The following UBE3D variants were observed in gnomAD, a reference collection of about 807,000 sequenced individuals.
UBE3D encodes ubiquitin protein ligase E3D.
In UBE3D, 48 loss-of-function variants were observed where a neutral mutation model predicts 49.6. The observed-to-expected ratio is 0.97, with a 90% CI of 0.77 to 1.23. The LOEUF is 1.23. Among genes scored for constraint, UBE3D ranks in the 50% most tolerant of loss-of-function variants. UBE3D has a pLI of 0.00. For missense variants in UBE3D, 452 were observed against 468.4 expected, an observed-to-expected ratio of 0.96 and a Z score of 0.32; for synonymous variants, 189 against 174.2, an observed-to-expected ratio of 1.08 and a Z score of -0.67.
intron 8 of UBE3D, among the ~76,000 whole-genome samples, chr6:82,995,801 G>T (rs753238448): frequency 2.1e-4 from 32 of 152,210 alleles, no homozygotes; most frequent in African/African-American, 7.5e-4. Flanking sequence ...TGGGCATGGT[G>T]GCTGCCTGTA....
intron 5 of UBE3D, among the ~76,000 whole-genome samples, chr6:83,031,948 A>G (rs1411603362): frequency 6.6e-6 from 1 of 152,170 alleles, no homozygotes; most frequent in Non-Finnish European, 1.5e-5. Flanking sequence ...AGGTTTGGGA[A>G]CCTCCACCAA....
intron 8 of UBE3D, among the ~76,000 whole-genome samples, chr6:82,962,812 A>G (rs958895306): frequency 6.6e-6 from 1 of 152,198 alleles, no homozygotes; most frequent in African/African-American, 2.4e-5. Context: ...ATTTAATTCC[A>G]CCCAAAGAGA....
intron 8 of UBE3D, among the ~76,000 whole-genome samples, chr6:82,978,223 G>A (rs747575320): frequency 5.9e-5 from 9 of 152,144 alleles, no homozygotes; most frequent in Non-Finnish European, 1.3e-4. Context: ...AGGGCTGGAA[G>A]TCATCTTAAT....
intron 8 of UBE3D, among the ~76,000 whole-genome samples, chr6:82,967,320 G>C (rs1777016118): frequency 6.6e-6 from 1 of 152,088 alleles, no homozygotes; most frequent in African/African-American, 2.4e-5. Flanking sequence ...GCATTCATTT[G>C]TGTGTGTCTA....
At chr6:82,940,232 G>C (rs1774910444) in intron 9 of UBE3D, among the ~76,000 whole-genome samples, 1 of 152,168 alleles carries the variant, frequency 6.6e-6, no homozygotes, top group Non-Finnish European at 1.5e-5. Flanking sequence ...TCAGATTAGA[G>C]AACTGTATTC....
chr6:83,044,622 A>T lies in UBE3D; in HGVS notation c.403T>A (p.Trp135Arg), dbSNP rs770806877. 78 of 1,614,020 alleles carry T rather than the reference A, an allele frequency of 4.8e-5. No individual in the cohort carries two copies. The highest frequency in any genetic ancestry group is 6.6e-5 in the Non-Finnish European group (78 of 1,179,982). ...CACCATTCTCCAACTAGAGCTCCCC[A>T]GTTCTCACTCGGCAGTGGGAGCACC... ...LRVLPLPSEN[W>R]GALVGEWCCH... Residue 135 changes from tryptophan to arginine, a missense_variant, in exon 4 of 10, where the codon TGG (tryptophan) becomes AGG (arginine). Physicochemically the swap from Trp to Arg is moderately radical, Grantham distance 101 (BLOSUM62 -3). Transcript: ENST00000369747.
intron 9 of UBE3D, among the ~76,000 whole-genome samples, chr6:82,908,855 C>A (rs1179158088): frequency 6.6e-6 from 1 of 152,152 alleles, no homozygotes; most frequent in African/African-American, 2.4e-5. Flanking sequence ...ATTTATACAG[C>A]CAGGGCACAG....
At chr6:83,061,035 T>G (rs1784137825) in intron 1 of UBE3D, among the ~76,000 whole-genome samples, 1 of 152,156 alleles carries the variant, frequency 6.6e-6, no homozygotes. Flanking sequence ...ACTATCTTAC[T>G]TTAAGTGCTC....
chr6:82,983,879 ACTT>A (rs1778281673), intron 8 of UBE3D, among the ~76,000 whole-genome samples: 1 of 152,170 alleles, frequency 6.6e-6, no homozygotes, highest in African/African-American at 2.4e-5. Flanking sequence ...CTCTTGGAGC[ACTT>A]CTTTGTGTGT....
chr6:83,046,669 T>TGGGGGGGTG (rs1554211608), intron 3 of UBE3D, among the ~76,000 whole-genome samples: 1 of 9,376 alleles, frequency 1.1e-4, no homozygotes, highest in African/African-American at 2.2e-4. Flanking sequence ...TTCTTGCAGT[T>TGGGGGGGTG]GGCGGGGGGG....
chr6:82,992,065 T>G (rs1778923884), intron 8 of UBE3D, among the ~76,000 whole-genome samples: 1 of 152,122 alleles, frequency 6.6e-6, no homozygotes, highest in African/African-American at 2.4e-5. Flanking sequence ...TTTAATAGAT[T>G]CCAGCACAAA....
chr6:82,979,229 T>C (rs1006152463), intron 8 of UBE3D, among the ~76,000 whole-genome samples: 5 of 152,196 alleles, frequency 3.3e-5, no homozygotes, highest in Admixed American at 3.3e-4. Context: ...TAAATCATCA[T>C]ATAGATAATC....
rs552177820 is a variant in UBE3D, at chr6:82,992,072, C to G, written c.1010+26901G>C. ...TCTTTTGTTTTAATAGATTCCAGCA[C>G]AAACATGCACAGAGAATGTATATAA... On this transcript the variant is annotated intron_variant, in intron 8 of 9. Coordinates refer to ENST00000369747, the MANE Select transcript of UBE3D (RefSeq NM_198920.3). Among the ~76,000 whole-genome samples, 4 of 152,140 alleles carry G rather than the reference C, an allele frequency of 2.6e-5. No individual in the cohort carries two copies. In the South Asian group the frequency reaches 8.3e-4, roughly 32 times the overall value.
chr6:82,905,700 C>T (rs921013248), intron 9 of UBE3D, among the ~76,000 whole-genome samples: 4 of 152,102 alleles, frequency 2.6e-5, no homozygotes, highest in Non-Finnish European at 4.4e-5. Context: ...AAACAAGGCC[C>T]GCAAGACACA....
chr6:82,928,910 A>C (rs1213730130), intron 9 of UBE3D, among the ~76,000 whole-genome samples: 3 of 152,206 alleles, frequency 2.0e-5, no homozygotes, highest in Non-Finnish European at 2.9e-5. Flanking sequence ...AACAAAACCT[A>C]GTCCCAACAT....
chr6:82,968,287 CT>C (rs1777094446), intron 8 of UBE3D, among the ~76,000 whole-genome samples: 1 of 151,888 alleles, frequency 6.6e-6, no homozygotes, highest in Admixed American at 6.6e-5. Context: ...CATTCTCCCC[CT>C]TTTAACCTCC....
chr6:82,938,998 G>A (rs576510836), intron 9 of UBE3D, among the ~76,000 whole-genome samples: 6 of 151,804 alleles, frequency 4.0e-5, no homozygotes, highest in South Asian at 2.1e-4. Flanking sequence ...AGTGAGCTAC[G>A]ATCGTGCTAC....
At chr6:83,049,896 T>C (rs1332512588) in intron 3 of UBE3D, 1 of 426,830 alleles carries the variant, frequency 2.3e-6, no homozygotes, top group African/African-American at 2.0e-5. Context: ...TCTGAGACTA[T>C]TCACAACAAA....
At chr6:83,054,676 G>T (rs1449397936) in intron 2 of UBE3D, among the ~76,000 whole-genome samples, 2 of 151,094 alleles carry the variant, frequency 1.3e-5, no homozygotes, top group African/African-American at 4.9e-5. Flanking sequence ...TTTTGAGATG[G>T]AGTCTTGTTC....
Sources: allele counts gnomAD v4.1 joint callset (sites outside exome capture counted in the v4.1 genomes callset), GRCh38; gene constraint gnomAD v4.1.1; transcripts MANE v1.5; gene names NCBI Gene and HGNC (gene_info 2026-07-23, HGNC 2026-07-21).